STK11IP: variants seen among roughly 807,000 people sequenced by gnomAD.
STK11IP encodes the protein serine/threonine-protein kinase 11-interacting protein.
A neutral mutation model predicts 131.7 loss-of-function variants in STK11IP; 103 were observed. That is an observed-to-expected ratio of 0.78 (90% CI 0.67 to 0.92). The LOEUF (loss-of-function observed/expected upper bound fraction) is 0.92, where lower values mean the gene tolerates loss of function less well. Among genes scored for constraint, STK11IP ranks in the 40% least tolerant of loss-of-function variants. The pLI, the probability that STK11IP is intolerant of heterozygous loss-of-function variation, is 0.00. For synonymous variants in STK11IP, 557 were observed against 575.6 expected, an observed-to-expected ratio of 0.97 and a Z score of 0.46; for missense variants, 1,315 against 1,385.7, an observed-to-expected ratio of 0.95 and a Z score of 0.81.
At chr2:219,608,469 G>A (rs1210721787) in intron 14 of STK11IP, 39 bp downstream of exon 14, 12 of 1,531,998 alleles carry the variant, frequency 7.8e-6, no homozygotes, top group Admixed American at 6.1e-5. Flanking sequence ...GAGGCCAGGG[G>A]CCCTTGGGAT....
At chr2:219,615,044 G>C (rs1698527975) in intron 23 of STK11IP, 50 bp from the exon 24 acceptor site, 1 of 1,576,216 alleles carries the variant, frequency 6.3e-7, no homozygotes, top group Non-Finnish European at 8.6e-7. Flanking sequence ...TGGCCCCAGG[G>C]ATCTGGGCCC....
rs1447014861 is a variant in STK11IP at position 219,607,172 on chromosome 2, C to G, written c.1219+35C>G. 3.8e-6 allele frequency: 6 copies of G among 1,591,958 alleles called. No homozygotes were observed. In the South Asian group the frequency reaches 6.7e-5, roughly 18 times the overall value. Reference sequence around the variant, plus strand: ...CTTCATCCCACTAACCTCTCTCGTCCCCAGCGAGCTCACTCTAATTTTTAA... The same window carrying G: ...CTTCATCCCACTAACCTCTCTCGTCGCCAGCGAGCTCACTCTAATTTTTAA... On this transcript the variant is annotated intron_variant, in intron 13 of 24. Coordinates refer to ENST00000456909, the MANE Select transcript of STK11IP (RefSeq NM_052902.4).
chr2:219,597,962 C>T, intron 1 of STK11IP, 39 bp downstream of exon 1: 1 of 1,608,996 alleles, frequency 6.2e-7, no homozygotes, highest in Non-Finnish European at 8.5e-7. Flanking sequence ...GAAAGGGCGG[C>T]CAGGAGGATG....
In STK11IP at chr2:219,602,705, C is replaced by A; in HGVS notation, c.547C>A (p.Arg183Ser). The A allele has an allele frequency of 6.2e-7, 1 of 1,613,348 alleles. No homozygotes were observed. Among genetic ancestry groups the A allele is most frequent in the East Asian group, 2.2e-5 (1 of 44,906 alleles). Residue 183 changes from arginine to serine, a missense_variant and splice_region_variant, in exon 7 of 25, where the codon CGC becomes AGC. By Grantham distance (110) the Arg-to-Ser change is moderately radical. Transcript: ENST00000456909. ...TCTGCCTCCTCCCCGTCTCTCTCAG[C>A]GCCTCTTGTCAGCTCTGCGTTTCTT... ...NALTALDSSL[R>S]LLSALRFLNL... is the part of the protein sequence containing the mutation.
In STK11IP at chr2:219,608,595, G is replaced by T. The variant is rs1274349947; in HGVS notation, c.1616G>T (p.Arg539Leu). The change falls in exon 15 of 25, where the codon CGC becomes CTC. Residue 539 changes from arginine to leucine, a missense_variant. Arg to Leu is a moderately radical substitution (Grantham distance 102). Transcript: ENST00000456909. ...DQKEVEAELC[R>L]PLLVCPLEGP... ...GGTCTCTCCACAGCGGAACTCTGTCGCCCCTTGTTGGTGTGTCCCCTGGAG... is the reference window on the plus strand; with the variant it reads ...GGTCTCTCCACAGCGGAACTCTGTCTCCCCTTGTTGGTGTGTCCCCTGGAG... 1.9e-6 allele frequency: 3 copies of T among 1,596,104 alleles called. No individual in the cohort carries two copies. Among genetic ancestry groups the T allele is most frequent in the Non-Finnish European group, 2.6e-6 (3 of 1,169,396 alleles).
rs368062862 is a variant in STK11IP, at chr2:219,601,437, C to T, written c.264C>T (p.Leu88=). Residue 88 remains leucine, a synonymous_variant, in exon 3 of 25, where the codon CTC becomes CTT. Transcript: ENST00000456909. ...ATGTGCTGCAGAAAACACTTTCACT[C>T]AAGGTTCTGGGTGTGGGGAAGAGGC... The part of the protein sequence containing the change: ...LFDVLQKTLS[L]KLVHVAGPGP... 2 of 1,614,016 alleles carry T rather than the reference C, an allele frequency of 1.2e-6. No individual in the cohort carries two copies. Among genetic ancestry groups the T allele is most frequent in the Non-Finnish European group, 1.7e-6 (2 of 1,179,894 alleles).
intron 13 of STK11IP, 136 bp downstream of exon 13, chr2:219,607,273 T>C: frequency 1.2e-6 from 1 of 832,510 alleles, no homozygotes; most frequent in Admixed American, 3.1e-5. Context: ...CTTAGTCTTT[T>C]TTCTTTTCTT....
At chr2:219,613,635 G>A (rs1433972501) in intron 20 of STK11IP, 117 bp from the exon 21 acceptor site, 3 of 1,153,678 alleles carry the variant, frequency 2.6e-6, no homozygotes, top group Admixed American at 3.5e-5. Flanking sequence ...AAGATGGGGT[G>A]TGGTGAGCGC....
Position 219,609,349 on chromosome 2 carries a change from C to T in STK11IP, c.1927-14C>T, listed in dbSNP as rs573998150. On this transcript the variant is annotated splice_polypyrimidine_tract_variant and intron_variant, in intron 16 of 24. Coordinates refer to ENST00000456909, the MANE Select transcript of STK11IP (RefSeq NM_052902.4). ...CCGCCTGCTCACAGCTGCCTCTGAT[C>T]CACCCTCTGTCAGGAGCTGCTTGCC... 9.9e-6 allele frequency: 16 copies of T among 1,612,840 alleles called. No homozygotes were observed. In the East Asian group the frequency reaches 3.3e-4, roughly 34 times the overall value.
At chr2:219,608,943 C>T (rs1475958586) in intron 15 of STK11IP, among the ~76,000 whole-genome samples, 154 bp from the exon 16 acceptor site, 2 of 152,188 alleles carry the variant, frequency 1.3e-5, no homozygotes, top group African/African-American at 2.4e-5. Flanking sequence ...GGAAGCTGGG[C>T]TGAGGAGCAG....
chr2:219,603,421 G>A (rs1698053911), intron 7 of STK11IP, among the ~76,000 whole-genome samples: 1 of 152,128 alleles, frequency 6.6e-6, no homozygotes, highest in African/African-American at 2.4e-5. Context: ...CTCAGAAACT[G>A]GTAGCTTTTG....
At chr2:219,613,971 G>T in intron 21 of STK11IP, 41 bp downstream of exon 21, 1 of 1,457,920 alleles carries the variant, frequency 6.9e-7, no homozygotes, top group Non-Finnish European at 9.3e-7. Flanking sequence ...GGGCAGGAGG[G>T]TGGGCAGGGC....
Position 219,613,116 on chromosome 2 carries a change from C to G in STK11IP, c.2440-12C>G, listed in dbSNP as rs1337752749. The G allele has an allele frequency of 1.2e-6, 2 of 1,610,414 alleles. No individual in the cohort carries two copies. The highest frequency in any genetic ancestry group is 1.7e-6 in the Non-Finnish European group (2 of 1,178,510). ...TCTCATCAGGTTTCTCACCAACTTC[C>G]TCTTCCCCCAGGTGCCAGTGGCATT... On this transcript the variant is annotated splice_polypyrimidine_tract_variant and intron_variant, in intron 19 of 24. Transcript: ENST00000456909.
rs1698005522 is a variant in STK11IP, at chr2:219,602,076, C to G, written c.431C>G (p.Ala144Gly). The change falls in exon 5 of 25, where the codon GCA (alanine) becomes GGA (glycine). Residue 144 changes from alanine to glycine, a missense_variant. Ala to Gly is a moderately conservative substitution (Grantham distance 60). Transcript: ENST00000456909. ...CTGATTTGCAGCAGGAGCCTCCAGG[C>G]ATTAGAGGTAAGGAGAGTGAGGGGT... ...ETLICSRSLQ[A>G]LEELLSACGG... 1 of 1,602,700 alleles carries G rather than the reference C, an allele frequency of 6.2e-7. No individual in the cohort carries two copies. Among genetic ancestry groups the G allele is most frequent in the Non-Finnish European group, 8.5e-7 (1 of 1,174,540 alleles).
chr2:219,603,672 C>G (rs1225098594), intron 7 of STK11IP, among the ~76,000 whole-genome samples: 2 of 151,974 alleles, frequency 1.3e-5, no homozygotes. Flanking sequence ...AGGTGCCCGC[C>G]ACCATGCCCA....
chr2:219,600,700 C>T (rs1697957205), intron 2 of STK11IP, among the ~76,000 whole-genome samples: 1 of 152,172 alleles, frequency 6.6e-6, no homozygotes, highest in Non-Finnish European at 1.5e-5. Flanking sequence ...AATAGTTATT[C>T]TATGACATAC....
intron 10 of STK11IP, 92 bp from the exon 11 acceptor site, chr2:219,606,384 G>A (rs772225016): frequency 3.9e-6 from 6 of 1,549,408 alleles, no homozygotes; most frequent in Non-Finnish European, 5.3e-6. Context: ...GAGGGGCCAA[G>A]GACCTGGACC....
rs1574623044 is a variant in STK11IP, at chr2:219,608,233, CT to C, written c.1408del (p.Ser470HisfsTer121). On this transcript the variant is annotated frameshift_variant, in exon 14 of 25. Transcript: ENST00000456909. LOFTEE classifies it high-confidence loss of function. ...SSQGPDTAPR[P>X]SPPQEEARGP... ...CAGGGCCCCGACACTGCACCCAGACCTTCACCCCCGCAGGAGGAAGCCAGAG... is the reference window on the plus strand; with the variant it reads ...CAGGGCCCCGACACTGCACCCAGACCTCACCCCCGCAGGAGGAAGCCAGAG... The C allele has an allele frequency of 1.9e-6, 3 of 1,613,672 alleles. No individual in the cohort carries two copies. The East Asian group carries it at 6.7e-5, about 36-fold the overall frequency.
intron 2 of STK11IP, 50 bp downstream of exon 2, chr2:219,598,230 G>C: frequency 7.2e-7 from 1 of 1,398,364 alleles, no homozygotes; most frequent in Middle Eastern, 1.8e-4. Context: ...ACGAGGTGGG[G>C]GTGGTGCTTT....
Sources: gnomAD v4.1 joint callset for allele counts (sites outside exome capture counted in the v4.1 genomes callset) on GRCh38, gnomAD v4.1.1 for gene constraint, MANE v1.5 for transcripts, NCBI Gene and HGNC (gene_info 2026-07-23, HGNC 2026-07-21) for gene names.